The following RAPGEF4 variants were observed in gnomAD, a reference collection of about 807,000 sequenced individuals.
The protein encoded by RAPGEF4 is RAP guanine-nucleotide-exchange factor (GEF) 4.
In RAPGEF4, 66 loss-of-function variants were observed where a neutral mutation model predicts 147.9. The ratio of observed to expected loss-of-function variants is 0.45; its 90% confidence interval spans 0.37 to 0.55. The LOEUF is 0.55. Among genes scored for constraint, RAPGEF4 ranks in the 20% least tolerant of loss-of-function variants. The probability of loss-of-function intolerance (pLI) is 0.00; values close to 1 mark genes in which losing one functional copy is unlikely to be tolerated. For missense variants in RAPGEF4, 1,071 were observed against 1,257.3 expected, an observed-to-expected ratio of 0.85 and a Z score of 2.24; for synonymous variants, 419 against 442.7, an observed-to-expected ratio of 0.95 and a Z score of 0.67.
At chr2:172,975,399 A>G (rs966399252) in intron 10 of RAPGEF4, among the ~76,000 whole-genome samples, 4 of 152,214 alleles carry the variant, frequency 2.6e-5, no homozygotes, top group African/African-American at 9.6e-5. Context: ...TGAATTAAGT[A>G]TGGCTCATGA....
intron 4 of RAPGEF4, among the ~76,000 whole-genome samples, chr2:172,855,173 T>C (rs931317200): frequency 1.3e-5 from 2 of 152,170 alleles, no homozygotes; most frequent in Non-Finnish European, 2.9e-5. Context: ...AAATTCCATT[T>C]TAATTTTTCC....
At chr2:173,011,572 C>T (rs1695030888) in intron 17 of RAPGEF4, among the ~76,000 whole-genome samples, 1 of 152,062 alleles carries the variant, frequency 6.6e-6, no homozygotes, top group Non-Finnish European at 1.5e-5. Context: ...CCCCCCACTC[C>T]TCCTTTCTCT....
chr2:172,904,796 T>G (rs1281163543), intron 4 of RAPGEF4, among the ~76,000 whole-genome samples: 1 of 151,764 alleles, frequency 6.6e-6, no homozygotes, highest in African/African-American at 2.4e-5. Context: ...TCTAGGCCTG[T>G]CCTCCCCTTC....
At chr2:173,049,932 C>T (rs1241020417) in intron 30 of RAPGEF4, among the ~76,000 whole-genome samples, 2 of 152,226 alleles carry the variant, frequency 1.3e-5, no homozygotes, top group African/African-American at 4.8e-5. Flanking sequence ...AATCCAGCAG[C>T]GGGGATAAAA....
At position 172,965,657 on chromosome 2, in the gene RAPGEF4, T is replaced by C. The variant is rs1689752933; in HGVS notation, c.794T>C (p.Leu265Pro). ...CAAGCTGTTGGCATGTGGCAAGTCC[T>C]GTTAGAAGATGGTGTTCTCAACCAC... ...RTQAVGMWQV[L>P]LEDGVLNHVD... The change falls in exon 9 of 31, where the codon CTG becomes CCG. Residue 265 changes from leucine to proline, a missense_variant. By Grantham distance (98) the Leu-to-Pro change is moderately conservative. Transcript: ENST00000397081. 1 of 1,614,208 alleles carries C rather than the reference T, an allele frequency of 6.2e-7. No homozygotes were observed. The highest frequency in any genetic ancestry group is 8.5e-7 in the Non-Finnish European group (1 of 1,180,014).
At chr2:173,043,546 G>A (rs75703536) in intron 29 of RAPGEF4, among the ~76,000 whole-genome samples, 2 of 152,326 alleles carry the variant, frequency 1.3e-5, no homozygotes, top group Admixed American at 6.5e-5. Context: ...CTTCTCTTCC[G>A]CAGTGGGAGA....
intron 15 of RAPGEF4, among the ~76,000 whole-genome samples, chr2:172,993,623 C>T (rs1467358865): frequency 6.6e-6 from 1 of 152,024 alleles, no homozygotes; most frequent in East Asian, 1.9e-4. Context: ...TGGTCCTGAC[C>T]TCATTTTAAA....
At chr2:172,935,294 A>G (rs902365398) in intron 6 of RAPGEF4, among the ~76,000 whole-genome samples, 1 of 152,178 alleles carries the variant, frequency 6.6e-6, no homozygotes. Flanking sequence ...ATGGCAACCA[A>G]CAACTCCTGG....
chr2:172,937,097 T>C (rs1686669978), intron 6 of RAPGEF4, among the ~76,000 whole-genome samples: 1 of 150,752 alleles, frequency 6.6e-6, no homozygotes, highest in African/African-American at 2.4e-5. Flanking sequence ...GGTACCTGCT[T>C]GCAGTCCTAC....
chr2:172,967,040 G>A, intron 9 of RAPGEF4: 1 of 439,916 alleles, frequency 2.3e-6, no homozygotes, highest in Non-Finnish European at 4.0e-6. Context: ...CAGAGGCCGA[G>A]GAGATGGGTG....
intron 6 of RAPGEF4, among the ~76,000 whole-genome samples, chr2:172,928,747 C>T (rs1243399140): frequency 6.6e-6 from 1 of 152,106 alleles, no homozygotes; most frequent in East Asian, 1.9e-4. Flanking sequence ...GAATATGCTC[C>T]CTCCATCTTC....
At chr2:172,945,154 T>C (rs1399596683) in intron 6 of RAPGEF4, among the ~76,000 whole-genome samples, 3 of 152,174 alleles carry the variant, frequency 2.0e-5, no homozygotes, top group Non-Finnish European at 4.4e-5. Flanking sequence ...GGCAACTTGA[T>C]GATAAAAGAA....
At position 172,876,387 on chromosome 2, in the gene RAPGEF4, G is replaced by C. The variant is rs376793741; in HGVS notation, c.445-41415G>C. On this transcript the variant is annotated intron_variant, in intron 4 of 30. Transcript: ENST00000397081. ...TCAGTATGATATTGGATGTGGGTTT[G>C]TCATAAATAGCTCTTATTTTTTTGA... Among the ~76,000 whole-genome samples the C allele has an allele frequency of 3.1e-4, 47 of 152,250 alleles. No homozygotes were observed. In the East Asian group the frequency reaches 5.8e-3, roughly 19 times the overall value.
rs537704985 is a variant in RAPGEF4, at chr2:172,823,577, G to A, written c.444+9152G>A. Among the ~76,000 whole-genome samples the A allele has an allele frequency of 1.2e-4, 18 of 152,196 alleles. No homozygotes were observed. The South Asian group carries it at 3.7e-3, about 32-fold the overall frequency. On this transcript the variant is annotated intron_variant, in intron 4 of 30. Coordinates refer to ENST00000397081, the MANE Select transcript of RAPGEF4 (RefSeq NM_007023.4). ...ATGTGTAGAAAGCCCTGTGGTCATG[G>A]GACTTTCCTGCTCTCGTGGGGCCAA...
intron 6 of RAPGEF4, chr2:172,928,204 G>A (rs767346578): frequency 2.2e-6 from 1 of 455,468 alleles, no homozygotes; most frequent in South Asian, 1.6e-5. Flanking sequence ...AGTCTCTGAG[G>A]AAATGTTTGT....
At chr2:172,857,629 C>T (rs1282145623) in intron 4 of RAPGEF4, among the ~76,000 whole-genome samples, 2 of 152,022 alleles carry the variant, frequency 1.3e-5, no homozygotes, top group Non-Finnish European at 2.9e-5. Context: ...TGTCCATAAT[C>T]CCAGCCCTTT....
intron 1 of RAPGEF4, among the ~76,000 whole-genome samples, chr2:172,758,346 A>G (rs1447921981): frequency 1.3e-5 from 2 of 152,216 alleles, no homozygotes; most frequent in Non-Finnish European, 2.9e-5. Flanking sequence ...GACAGCTGTT[A>G]TAAAGATCTT....
At chr2:172,765,952 C>A (rs550276422) in intron 1 of RAPGEF4, among the ~76,000 whole-genome samples, 1 of 152,210 alleles carries the variant, frequency 6.6e-6, no homozygotes, top group Non-Finnish European at 1.5e-5. Flanking sequence ...CACTTCTGAA[C>A]CCTGGGCTGT....
chr2:172,874,422 C>T (rs943438504), intron 4 of RAPGEF4, among the ~76,000 whole-genome samples: 7 of 152,164 alleles, frequency 4.6e-5, no homozygotes, highest in East Asian at 3.9e-4. Context: ...CAACAGGCCC[C>T]GGTGTGTAAT....
Sources: allele counts gnomAD v4.1 joint callset (sites outside exome capture counted in the v4.1 genomes callset), GRCh38; gene constraint gnomAD v4.1.1; transcripts MANE v1.5; gene names NCBI Gene and HGNC (gene_info 2026-07-23, HGNC 2026-07-21).